KCNG2: variants seen among roughly 807,000 people sequenced by gnomAD.
KCNG2 encodes voltage-gated potassium channel regulatory subunit KCNG2.
Under a neutral mutation model 12.3 loss-of-function variants are expected in KCNG2, and 7 were observed. The ratio of observed to expected loss-of-function variants is 0.57; its 90% CI spans 0.32 to 1.07. The LOEUF is 1.07. Among genes scored for constraint, KCNG2 ranks in the 50% least tolerant of loss-of-function variants. The probability of loss-of-function intolerance (pLI) is 0.04; values close to 1 mark genes in which losing one functional copy is unlikely to be tolerated. For missense variants in KCNG2, 703 were observed against 726.0 expected, an observed-to-expected ratio of 0.97 and a Z score of 0.36; for synonymous variants, 414 against 351.4, an observed-to-expected ratio of 1.18 and a Z score of -1.99.
chr18:79,899,756 C>T lies in KCNG2; in HGVS notation c.1341C>T (p.Pro447=), dbSNP rs1171786381. 1.1e-5 allele frequency: 17 copies of T among 1,571,364 alleles called. No individual in the cohort carries two copies. Among genetic ancestry groups the T allele is most frequent in the East Asian group, 2.4e-5 (1 of 42,396 alleles). The change falls in exon 4 of 4, where the codon CCC becomes CCT. Residue 447 remains proline (P), a synonymous_variant. Coordinates refer to ENST00000316249, the MANE Select transcript of KCNG2 (RefSeq NM_012283.2). The part of the protein sequence containing the change: ...ATATEDSSQG[P]DSAGLADDSA... ...CCACCGAGGACAGCTCGCAGGGCCC[C>T]GACAGCGCGGGCCTGGCCGACGACT...
chr18:79,863,954 C>T lies in KCNG2; in HGVS notation c.287C>T (p.Pro96Leu). Residue 96 changes from proline to leucine, a missense_variant, in exon 3 of 4, where the codon CCG (proline) becomes CTG (leucine). Coordinates refer to ENST00000316249, the MANE Select transcript of KCNG2 (RefSeq NM_012283.2). ...GGGAAGCTGCGACTGCTGCGGGGCCCGTGCGCGCTGGCCTTCCGCGACGAG... is the reference window on the plus strand; with the variant it reads ...GGGAAGCTGCGACTGCTGCGGGGCCTGTGCGCGCTGGCCTTCCGCGACGAG... The part of the protein sequence containing the change: ...RAGKLRLLRG[P>L]CALAFRDELA... 6.1e-6 allele frequency: 8 copies of T among 1,305,212 alleles called. No homozygotes were observed. The highest frequency in any genetic ancestry group is 2.0e-5 in the South Asian group (1 of 50,312). The allele number at this position is 1,305,212 out of a possible 1,614,324, so 80.9% of individuals were successfully genotyped here. A position where few individuals can be genotyped will look rare whatever the true frequency, so the allele number is the denominator to read the frequency against.
chr18:79,806,783 C>G (rs1341775833), intron 1 of KCNG2, among the ~76,000 whole-genome samples: 1 of 152,084 alleles, frequency 6.6e-6, no homozygotes, highest in East Asian at 1.9e-4. Context: ...CAAATAAAAC[C>G]AGAACTAAGG....
intron 3 of KCNG2, among the ~76,000 whole-genome samples, chr18:79,893,538 C>T (rs2123129586): frequency 6.6e-6 from 1 of 150,472 alleles, no homozygotes; most frequent in Non-Finnish European, 1.5e-5. Flanking sequence ...TCTAATGGTT[C>T]GATTGATATA....
rs1433838564 is a variant in KCNG2, at chr18:79,899,836, G to A, written c.*20G>A. The stretch of plus-strand genomic sequence containing the variant: ...CGCTGACGCCTGCGCCGCCCACACG[G>A]AGACCCCCTGCCCCCTCCAGCTGCA... On this transcript the variant is annotated 3_prime_UTR_variant, in exon 4 of 4. Transcript: ENST00000316249. 3 of 1,344,246 alleles carry A rather than the reference G, an allele frequency of 2.2e-6. No individual in the cohort carries two copies. Among genetic ancestry groups the A allele is most frequent in the African/African-American group, 1.5e-5 (1 of 65,384 alleles). The allele number at this position is 1,344,246 out of a possible 1,614,324, so 83.3% of individuals were successfully genotyped here. A position where few individuals can be genotyped will look rare whatever the true frequency, so the allele number is the denominator to read the frequency against.
chr18:79,872,674 C>G (rs967789448), intron 3 of KCNG2, among the ~76,000 whole-genome samples: 2 of 152,226 alleles, frequency 1.3e-5, no homozygotes, highest in African/African-American at 2.4e-5. Context: ...AGTTCTCAGA[C>G]TCTGAGTGTG....
intron 1 of KCNG2, among the ~76,000 whole-genome samples, chr18:79,849,034 G>A (rs1300977511): frequency 1.3e-5 from 2 of 152,132 alleles, no homozygotes; most frequent in Non-Finnish European, 1.5e-5. Flanking sequence ...GGACCCGTGC[G>A]GACACAGGAG....
intron 1 of KCNG2, among the ~76,000 whole-genome samples, chr18:79,815,439 C>T (rs1210541033): frequency 8.0e-6 from 1 of 124,612 alleles, no homozygotes; most frequent in Non-Finnish European, 1.6e-5. Flanking sequence ...GAAACCCTGC[C>T]TCAAAAAAAA....
At chr18:79,821,939 C>G (rs185563835) in intron 1 of KCNG2, among the ~76,000 whole-genome samples, 16 of 152,184 alleles carry the variant, frequency 1.1e-4, no homozygotes, top group African/African-American at 3.6e-4. Context: ...AATTTTAGGA[C>G]GGGCTTTTTC....
chr18:79,893,987 A>G (rs925815232), intron 3 of KCNG2, among the ~76,000 whole-genome samples: 13 of 149,422 alleles, frequency 8.7e-5, no homozygotes, highest in African/African-American at 2.7e-4. Flanking sequence ...AACGATTAAT[A>G]TAGTTGGGTC....
chr18:79,807,693 A>G (rs547881519), intron 1 of KCNG2, among the ~76,000 whole-genome samples: 4 of 152,244 alleles, frequency 2.6e-5, no homozygotes, highest in Non-Finnish European at 5.9e-5. Context: ...CCTCGGCCCC[A>G]GAGTCCGCAC....
intron 1 of KCNG2, among the ~76,000 whole-genome samples, chr18:79,806,228 G>A (rs1480930518): frequency 1.3e-5 from 2 of 152,242 alleles, no homozygotes; most frequent in Admixed American, 6.5e-5. Flanking sequence ...CAAGGCCGTC[G>A]TGCTGGGGGT....
chr18:79,846,093 C>G (rs1401664493), intron 1 of KCNG2, among the ~76,000 whole-genome samples: 1 of 145,572 alleles, frequency 6.9e-6, no homozygotes, highest in Non-Finnish European at 1.5e-5. Context: ...TCTGTCTTGG[C>G]TGGGCGCGGT....
intron 3 of KCNG2, among the ~76,000 whole-genome samples, chr18:79,876,772 G>A (rs1980090688): frequency 6.6e-6 from 1 of 152,202 alleles, no homozygotes; most frequent in East Asian, 1.9e-4. Flanking sequence ...TGCCAGGCCC[G>A]GGCCACCAAC....
At chr18:79,834,380 A>G (rs759076114) in intron 1 of KCNG2, among the ~76,000 whole-genome samples, 2 of 152,208 alleles carry the variant, frequency 1.3e-5, no homozygotes, top group African/African-American at 2.4e-5. Context: ...TGCTGGCCAC[A>G]TGCTTCTGAC....
In KCNG2 at chr18:79,822,650, T is replaced by C. The variant is rs1352813034; in HGVS notation, c.-115+24636T>C. Among the ~76,000 whole-genome samples, 4 of 152,182 alleles carry C rather than the reference T, an allele frequency of 2.6e-5. No homozygotes were observed. The East Asian group carries it at 7.7e-4, about 29-fold the overall frequency. On this transcript the variant is annotated intron_variant, in intron 1 of 3. Coordinates refer to ENST00000316249, the MANE Select transcript of KCNG2 (RefSeq NM_012283.2). This position sits in a 1 kb window ranked among gnomAD's most constrained non-coding sequence, Gnocchi z 4.4. Reference sequence around the variant, plus strand: ...CTCGCTGTGTTGCCCCGGCAGGTCTTGAACTCCTGACCTCAAGGGATCCAC... The same window carrying C: ...CTCGCTGTGTTGCCCCGGCAGGTCTCGAACTCCTGACCTCAAGGGATCCAC...
chr18:79,894,853 T>C (rs1285638664), intron 3 of KCNG2, among the ~76,000 whole-genome samples: 1 of 151,948 alleles, frequency 6.6e-6, no homozygotes. Context: ...TTTGATTGGG[T>C]TGTTCACTCC....
rs1279550939 is a variant in KCNG2 at position 79,884,594 on chromosome 18, G to T, written c.625-14446G>T. On this transcript the variant is annotated intron_variant, in intron 3 of 3. Transcript: ENST00000316249. This position sits in a 1 kb window ranked among gnomAD's most constrained non-coding sequence, Gnocchi z 5.5. ...GCAGCTCCCCAGGCCCACGGGGCAG[G>T]AATTCTAGATTCTGGGATTCCTTTC... 6.6e-6 allele frequency among the ~76,000 whole-genome samples: 1 copy of T among 152,228 alleles called. No individual in the cohort carries two copies. Among genetic ancestry groups the T allele is most frequent in the Non-Finnish European group, 1.5e-5 (1 of 68,032 alleles).
chr18:79,853,581 G>C (rs1978900698), intron 1 of KCNG2, among the ~76,000 whole-genome samples: 1 of 152,210 alleles, frequency 6.6e-6, no homozygotes, highest in African/African-American at 2.4e-5. Flanking sequence ...TGGGAACAGA[G>C]GGCAAGAGGA....
chr18:79,873,013 A>G (rs1979911866), intron 3 of KCNG2, among the ~76,000 whole-genome samples: 1 of 152,160 alleles, frequency 6.6e-6, no homozygotes, highest in South Asian at 2.1e-4. Flanking sequence ...GTCAGTGTGC[A>G]GAAATAGTGG....
Sources: gnomAD v4.1 joint callset for allele counts (sites outside exome capture counted in the v4.1 genomes callset) on GRCh38, gnomAD v4.1.1 for gene constraint, Gnocchi (gnomAD v3.1) non-coding constraint, MANE v1.5 for transcripts, NCBI Gene and HGNC (gene_info 2026-07-23, HGNC 2026-07-21) for gene names.